The following TOP1 variants were observed in gnomAD, a reference collection of about 807,000 sequenced individuals.
The protein encoded by TOP1 is DNA topoisomerase 1.
Under a neutral mutation model 111.1 loss-of-function variants are expected in TOP1, and 10 were observed. That is an observed-to-expected ratio of 0.09 (90% CI 0.06 to 0.15). The LOEUF (loss-of-function observed/expected upper bound fraction) is 0.15, where lower values mean the gene tolerates loss of function less well. Ranked by LOEUF, TOP1 falls within the 10% of genes least tolerant of loss-of-function variation. The pLI is 1.00. For missense variants in TOP1, 474 were observed against 926.7 expected (o/e 0.51, Z 6.34); for synonymous variants, 271 against 302.9 (o/e 0.89, Z 1.10).
intron 3 of TOP1, among the ~76,000 whole-genome samples, chr20:41,062,864 C>T (rs770056564): frequency 2.6e-5 from 4 of 152,144 alleles, no homozygotes; most frequent in Admixed American, 6.5e-5. Context: ...TTGATCTAAT[C>T]GACATTTATA....
At chr20:41,055,626 C>A (rs540760057) in intron 2 of TOP1, among the ~76,000 whole-genome samples, 2 of 152,112 alleles carry the variant, frequency 1.3e-5, no homozygotes, top group Non-Finnish European at 2.9e-5. Flanking sequence ...TTGCCAAGGC[C>A]CCTTGTTCCC....
At chr20:41,056,261 G>A (rs751017465) in intron 2 of TOP1, among the ~76,000 whole-genome samples, 1 of 152,014 alleles carries the variant, frequency 6.6e-6, no homozygotes, top group Non-Finnish European at 1.5e-5. Flanking sequence ...TGCTTTTGGC[G>A]TTCAGAAGGC....
At position 41,100,740 on chromosome 20, in the gene TOP1, C is replaced by T. The variant is rs2034051093; in HGVS notation, c.1164-469C>T. On this transcript the variant is annotated intron_variant, in intron 12 of 20. Transcript: ENST00000361337. The surrounding 1 kb of genome is among the most constrained non-coding windows in gnomAD (Gnocchi z 4.4). Reference sequence around the variant, plus strand: ...TTTTCATTTAAAGCACTCTGTGCAGCTTCTGTATGGCATATCCAAATTGCC... The same window carrying T: ...TTTTCATTTAAAGCACTCTGTGCAGTTTCTGTATGGCATATCCAAATTGCC... 6.2e-6 allele frequency: 1 copy of T among 162,574 alleles called. No homozygotes were observed. The highest frequency in any genetic ancestry group is 5.9e-5 in the Admixed American group (1 of 16,868). The allele number at this position is 162,574 out of a possible 1,614,324, so 10.1% of individuals were successfully genotyped here. A position where few individuals can be genotyped will look rare whatever the true frequency, so the allele number is the denominator to read the frequency against.
intron 18 of TOP1, among the ~76,000 whole-genome samples, chr20:41,120,820 C>T (rs1430456833): frequency 6.6e-6 from 1 of 152,216 alleles, no homozygotes. Context: ...CGGCTCACTG[C>T]AAGCTCTGCC....
chr20:41,081,591 A>T (rs2033789239), intron 7 of TOP1, among the ~76,000 whole-genome samples: 1 of 152,172 alleles, frequency 6.6e-6, no homozygotes. Flanking sequence ...CCCTGAAGAA[A>T]TTTCCCTAAG....
intron 3 of TOP1, among the ~76,000 whole-genome samples, chr20:41,065,423 TAAC>T (rs2033595223): frequency 1.3e-5 from 2 of 152,200 alleles, no homozygotes; most frequent in South Asian, 2.1e-4. Context: ...AAAATAAACA[TAAC>T]AAAATTTACT....
At chr20:41,117,916 T>C (rs913815542) in intron 17 of TOP1, among the ~76,000 whole-genome samples, 2 of 151,842 alleles carry the variant, frequency 1.3e-5, no homozygotes, top group South Asian at 4.1e-4. Context: ...TTTATTATAT[T>C]ACCTAGACTC....
chr20:41,050,948 A>C (rs1600559891), intron 2 of TOP1, among the ~76,000 whole-genome samples: 1 of 152,192 alleles, frequency 6.6e-6, no homozygotes, highest in African/African-American at 2.4e-5. Context: ...TTTGAAAGTC[A>C]GGGAGGAAGT....
At position 41,121,090 on chromosome 20, in the gene TOP1, C is replaced by G. The variant is rs2034416591; in HGVS notation, c.1951-606C>G. Among the ~76,000 whole-genome samples, 2 of 152,194 alleles carry G rather than the reference C, an allele frequency of 1.3e-5. No homozygotes were observed. Among genetic ancestry groups the G allele is most frequent in the African/African-American group, 4.8e-5 (2 of 41,442 alleles). Reference sequence around the variant, plus strand: ...ATGCCAAAGCTAAGCCCTGCCATGTCCTGGTTTGGGACAGACTGGCTGAGC... The same window carrying G: ...ATGCCAAAGCTAAGCCCTGCCATGTGCTGGTTTGGGACAGACTGGCTGAGC... On this transcript the variant is annotated intron_variant, in intron 18 of 20. Transcript: ENST00000361337. This position sits in a 1 kb window ranked among gnomAD's most constrained non-coding sequence, Gnocchi z 4.2.
intron 3 of TOP1, chr20:41,072,408 T>C (rs1228308243): frequency 1.0e-6 from 1 of 985,214 alleles, no homozygotes; most frequent in Non-Finnish European, 1.2e-6. Context: ...GTCAAACATA[T>C]CCTAAGCCTT....
In TOP1 at chr20:41,029,521, C is replaced by A. The variant is rs144575642; in HGVS notation, c.58+66C>A. On this transcript the variant is annotated intron_variant, in intron 2 of 20. Coordinates refer to ENST00000361337, the MANE Select transcript of TOP1 (RefSeq NM_003286.4). The surrounding 1 kb of genome is among the most constrained non-coding windows in gnomAD (Gnocchi z 6.1). The stretch of plus-strand genomic sequence containing the variant: ...GCCGGCCGCCTCCCCCGCGCCCTGC[C>A]GGTGCCGGGCAGAGGACAGACATGG... 1.6e-5 allele frequency: 21 copies of A among 1,314,316 alleles called. 1 individual carries two copies. The Admixed American group carries it at 3.5e-4, about 22-fold the overall frequency. 81.4% of individuals were successfully genotyped at this position (1,314,316 alleles called of 1,614,324 possible).
intron 2 of TOP1, among the ~76,000 whole-genome samples, chr20:41,040,621 TA>T (rs1026955041): frequency 6.6e-6 from 1 of 151,532 alleles, no homozygotes; most frequent in Admixed American, 6.6e-5. Flanking sequence ...ATTTGATTTT[TA>T]AAAAAAACCT....
At position 41,097,080 on chromosome 20, in the gene TOP1, G is replaced by A; in HGVS notation, c.731-140G>A. On this transcript the variant is annotated intron_variant, in intron 9 of 20. Transcript: ENST00000361337. The surrounding 1 kb of genome is among the most constrained non-coding windows in gnomAD (Gnocchi z 4.2). ...TATAAATCAGTATGTTGTCTTTGTTGTTGTTGCTACTATGTGTCACCAGAC... is the reference window on the plus strand; with the variant it reads ...TATAAATCAGTATGTTGTCTTTGTTATTGTTGCTACTATGTGTCACCAGAC... 2.6e-6 allele frequency: 2 copies of A among 779,162 alleles called. No homozygotes were observed. The highest frequency in any genetic ancestry group is 4.0e-6 in the Non-Finnish European group (2 of 494,964). The allele number at this position is 779,162 out of a possible 1,614,324, so 48.3% of individuals were successfully genotyped here. A position where few individuals can be genotyped will look rare whatever the true frequency, so the allele number is the denominator to read the frequency against.
At chr20:41,087,691 C>T (rs553230718) in intron 8 of TOP1, among the ~76,000 whole-genome samples, 64 of 152,102 alleles carry the variant, frequency 4.2e-4, no homozygotes, top group Non-Finnish European at 7.1e-4. Context: ...AGCATCTGAC[C>T]TTTATTTCTA....
chr20:41,069,023 A>C lies in TOP1; in HGVS notation c.156-7148A>C, dbSNP rs1160235971. On this transcript the variant is annotated intron_variant, in intron 3 of 20. Transcript: ENST00000361337. The surrounding 1 kb of genome is among the most constrained non-coding windows in gnomAD (Gnocchi z 4.1). ...AAGGGAAGACAGAAAACTGCTGTAA[A>C]ATAGCAAGGGAAGTACTTTTCCAGC... is the stretch of plus-strand genomic sequence containing the variant. Among the ~76,000 whole-genome samples the C allele has an allele frequency of 6.6e-6, 1 of 152,208 alleles. No individual in the cohort carries two copies. The highest frequency in any genetic ancestry group is 2.4e-5 in the African/African-American group (1 of 41,454).
At chr20:41,108,914 C>T (rs896884931) in intron 13 of TOP1, among the ~76,000 whole-genome samples, 3 of 152,212 alleles carry the variant, frequency 2.0e-5, no homozygotes, top group South Asian at 2.1e-4. Flanking sequence ...GAAAGTAGCC[C>T]TTAGTAAAAT....
chr20:41,056,993 G>A (rs1262270794), intron 2 of TOP1, among the ~76,000 whole-genome samples: 1 of 152,128 alleles, frequency 6.6e-6, no homozygotes, highest in African/African-American at 2.4e-5. Flanking sequence ...GGGCGCAGTG[G>A]CTCACGCCTG....
rs1322970486 is a variant in TOP1 at position 41,080,621 on chromosome 20, T to C, written c.431+441T>C. Among the ~76,000 whole-genome samples, 1 of 152,178 alleles carries C rather than the reference T, an allele frequency of 6.6e-6. No homozygotes were observed. The highest frequency in any genetic ancestry group is 1.5e-5 in the Non-Finnish European group (1 of 68,020). On this transcript the variant is annotated intron_variant, in intron 6 of 20. Coordinates refer to ENST00000361337, the MANE Select transcript of TOP1 (RefSeq NM_003286.4). This position sits in a 1 kb window ranked among gnomAD's most constrained non-coding sequence, Gnocchi z 5.0. ...CGGTCGAGGCTTACATGTATCTCTT[T>C]CCCCAGATTCAATGAGATTAAATTA...
Position 41,102,915 on chromosome 20 carries a change from A to G in TOP1, c.1308+1562A>G, listed in dbSNP as rs777916600. Among the ~76,000 whole-genome samples, 4 of 152,226 alleles carry G rather than the reference A, an allele frequency of 2.6e-5. No homozygotes were observed. Among genetic ancestry groups the G allele is most frequent in the Non-Finnish European group, 2.9e-5 (2 of 68,036 alleles). On this transcript the variant is annotated intron_variant, in intron 13 of 20. Coordinates refer to ENST00000361337, the MANE Select transcript of TOP1 (RefSeq NM_003286.4). This position sits in a 1 kb window ranked among gnomAD's most constrained non-coding sequence, Gnocchi z 4.0. ...ATTTGCAGCACCTTAGAGATCAACA[A>G]TAACTTTATGAAGAAAAGTAGGTTA...
Sources: allele counts gnomAD v4.1 joint callset (sites outside exome capture counted in the v4.1 genomes callset), GRCh38; gene constraint gnomAD v4.1.1; non-coding constraint Gnocchi (gnomAD v3.1); transcripts MANE v1.5; gene names NCBI Gene and HGNC (gene_info 2026-07-23, HGNC 2026-07-21).